TECRL: variants seen among roughly 807,000 people sequenced by gnomAD.
TECRL encodes the protein trans-2,3-enoyl-CoA reductase-like.
Under a neutral mutation model 52.8 loss-of-function variants are expected in TECRL, and 63 were observed. The ratio of observed to expected loss-of-function variants is 1.19; its 90% CI spans 0.97 to 1.47. The LOEUF (loss-of-function observed/expected upper bound fraction) is 1.47. TECRL is among the 40% of genes most tolerant of loss of function. TECRL has a pLI of 0.00. For synonymous variants in TECRL, 164 were observed against 141.9 expected, an observed-to-expected ratio of 1.16 and a Z score of -1.10; for missense variants, 482 against 429.6, an observed-to-expected ratio of 1.12 and a Z score of -1.08.
chr4:64,407,308 T>C (rs1282547820), intron 1 of TECRL, among the ~76,000 whole-genome samples: 1 of 152,044 alleles, frequency 6.6e-6, no homozygotes, highest in Non-Finnish European at 1.5e-5. Flanking sequence ...CCATGCAAAA[T>C]TGCAAAATTC....
intron 5 of TECRL, among the ~76,000 whole-genome samples, chr4:64,310,787 G>A (rs1006214309): frequency 1.3e-5 from 2 of 152,110 alleles, no homozygotes; most frequent in African/African-American, 4.8e-5. Context: ...CAGTGCAGTG[G>A]CATGATCTCT....
rs546149393 is a variant in TECRL at position 64,364,092 on chromosome 4, C to A, written c.286+11080G>T. 5.3e-5 allele frequency among the ~76,000 whole-genome samples: 8 copies of A among 151,906 alleles called. No homozygotes were observed. The South Asian group carries it at 1.7e-3, about 32-fold the overall frequency. On this transcript the variant is annotated intron_variant, in intron 2 of 11. Coordinates refer to ENST00000381210, the MANE Select transcript of TECRL (RefSeq NM_001010874.5). ...AGCACAGCAAAATAAAAATAGAAAT[C>A]AACACTAAGAAGATCTCTCAGAGCC...
At chr4:64,352,789 A>G (rs1720488623) in intron 2 of TECRL, among the ~76,000 whole-genome samples, 1 of 152,248 alleles carries the variant, frequency 6.6e-6, no homozygotes, top group Non-Finnish European at 1.5e-5. Flanking sequence ...GATTCAAAGT[A>G]TGTTCTTGTC....
At chr4:64,363,004 T>A (rs1158376182) in intron 2 of TECRL, among the ~76,000 whole-genome samples, 2 of 140,852 alleles carry the variant, frequency 1.4e-5, no homozygotes, top group African/African-American at 2.8e-5. Flanking sequence ...GACAGATATA[T>A]CAGGCACATA....
intron 2 of TECRL, among the ~76,000 whole-genome samples, chr4:64,342,699 G>GC (rs1719672202): frequency 6.6e-6 from 1 of 151,874 alleles, no homozygotes; most frequent in South Asian, 2.1e-4. Flanking sequence ...ATAAATGGAG[G>GC]CCACAAAAGT....
intron 9 of TECRL, among the ~76,000 whole-genome samples, chr4:64,282,862 T>G (rs761341256): frequency 1.3e-5 from 2 of 152,100 alleles, no homozygotes; most frequent in Non-Finnish European, 2.9e-5. Flanking sequence ...ATTTAATACT[T>G]ACATTCTTCA....
intron 1 of TECRL, among the ~76,000 whole-genome samples, chr4:64,398,575 C>T (rs1180298834): frequency 2.0e-5 from 3 of 152,134 alleles, no homozygotes; most frequent in Admixed American, 1.3e-4. Context: ...TAAGCAGGTG[C>T]CATGCCACTA....
At chr4:64,287,968 GA>G (rs1211721031) in intron 9 of TECRL, among the ~76,000 whole-genome samples, 1 of 151,964 alleles carries the variant, frequency 6.6e-6, no homozygotes. Context: ...CCAACATGGC[GA>G]AACCCTGTCT....
At chr4:64,282,566 T>TA (rs911325681) in intron 9 of TECRL, among the ~76,000 whole-genome samples, 30 of 151,790 alleles carry the variant, frequency 2.0e-4, no homozygotes, top group South Asian at 8.3e-4. Flanking sequence ...CCTATATTAA[T>TA]AAAAAAAAGA....
intron 3 of TECRL, among the ~76,000 whole-genome samples, chr4:64,328,000 T>C (rs1296734827): frequency 6.6e-6 from 1 of 151,974 alleles, no homozygotes; most frequent in East Asian, 1.9e-4. Context: ...ACAGTAATTA[T>C]TGGTAGGAGC....
intron 2 of TECRL, among the ~76,000 whole-genome samples, chr4:64,356,539 A>G (rs1440267729): frequency 6.6e-6 from 1 of 152,164 alleles, no homozygotes; most frequent in Non-Finnish European, 1.5e-5. Context: ...AGAAACATGA[A>G]TCTGGCCTAC....
chr4:64,393,178 A>G (rs911054367), intron 1 of TECRL, among the ~76,000 whole-genome samples: 2 of 152,028 alleles, frequency 1.3e-5, no homozygotes, highest in African/African-American at 2.4e-5. Flanking sequence ...CCTATTACCT[A>G]GAAGGCTTTT....
At chr4:64,360,071 G>A (rs529271098) in intron 2 of TECRL, among the ~76,000 whole-genome samples, 1 of 152,180 alleles carries the variant, frequency 6.6e-6, no homozygotes, top group Middle Eastern at 3.4e-3. Flanking sequence ...CAGAAAACGA[G>A]AAATCGTAAG....
intron 1 of TECRL, among the ~76,000 whole-genome samples, chr4:64,392,750 T>C (rs183186481): frequency 2.8e-3 from 419 of 152,080 alleles, no homozygotes; most frequent in African/African-American, 9.4e-3. Flanking sequence ...CCACAGGTGG[T>C]ATTAACAACT....
At chr4:64,315,086 C>T (rs183651205) in intron 4 of TECRL, among the ~76,000 whole-genome samples, 1 of 152,082 alleles carries the variant, frequency 6.6e-6, no homozygotes, top group East Asian at 1.9e-4. Flanking sequence ...GTCCAATACA[C>T]ACTTAATCTT....
chr4:64,300,820 C>T (rs1723975968), intron 7 of TECRL, among the ~76,000 whole-genome samples: 1 of 150,870 alleles, frequency 6.6e-6, no homozygotes, highest in Non-Finnish European at 1.5e-5. Flanking sequence ...TAGTATTAAA[C>T]ACTCATTGTC....
chr4:64,346,095 TA>T (rs1335121387), intron 2 of TECRL, among the ~76,000 whole-genome samples: 1 of 152,038 alleles, frequency 6.6e-6, no homozygotes, highest in Admixed American at 6.6e-5. Context: ...TTAATAAAAA[TA>T]ATGAATTCTA....
chr4:64,358,383 A>G (rs1191724278), intron 2 of TECRL, among the ~76,000 whole-genome samples: 1 of 151,894 alleles, frequency 6.6e-6, no homozygotes, highest in African/African-American at 2.4e-5. Flanking sequence ...GGCAGTTAGA[A>G]TTTATATCTA....
chr4:64,395,771 C>T (rs1448544856), intron 1 of TECRL, among the ~76,000 whole-genome samples: 1 of 152,050 alleles, frequency 6.6e-6, no homozygotes, highest in East Asian at 1.9e-4. Flanking sequence ...TATGAAACAA[C>T]CCAGGTAATA....
Sources: gnomAD v4.1 joint callset for allele counts (sites outside exome capture counted in the v4.1 genomes callset) on GRCh38, gnomAD v4.1.1 for gene constraint, MANE v1.5 for transcripts, NCBI Gene and HGNC (gene_info 2026-07-23, HGNC 2026-07-21) for gene names.